Variants in ZNF512 observed in about 807,000 individuals in gnomAD.
The protein encoded by ZNF512 is zinc finger protein 512.
Under a neutral mutation model 77.5 loss-of-function variants are expected in ZNF512, and 25 were observed. The ratio of observed to expected loss-of-function variants is 0.32; its 90% CI spans 0.23 to 0.45. The LOEUF (loss-of-function observed/expected upper bound fraction) is 0.45. Among genes scored for constraint, ZNF512 ranks in the 20% least tolerant of loss-of-function variants. ZNF512 has a pLI of 1.00. For missense variants in ZNF512, 483 were observed against 692.6 expected (o/e 0.70, Z 3.40); for synonymous variants, 246 against 239.9 (o/e 1.03, Z -0.24).
intron 13 of ZNF512, among the ~76,000 whole-genome samples, chr2:27,619,837 A>G (rs754475571): frequency 6.6e-6 from 1 of 152,292 alleles, no homozygotes; most frequent in East Asian, 1.9e-4. Context: ...CTTTCAATAT[A>G]TATCTGTAAG....
At chr2:27,604,720 G>A (rs1672280293) in intron 9 of ZNF512, among the ~76,000 whole-genome samples, 3 of 152,198 alleles carry the variant, frequency 2.0e-5, no homozygotes, top group Admixed American at 2.0e-4. Context: ...GGTTGAGGCT[G>A]CAGAGCTGTG....
chr2:27,614,601 C>A (rs1187309593), intron 10 of ZNF512, among the ~76,000 whole-genome samples: 2 of 151,654 alleles, frequency 1.3e-5, no homozygotes, highest in Non-Finnish European at 2.9e-5. Context: ...TGGCGTGAAC[C>A]CAGGAGGCGG....
At chr2:27,606,218 C>T (rs969587367) in intron 9 of ZNF512, among the ~76,000 whole-genome samples, 11 of 151,734 alleles carry the variant, frequency 7.2e-5, no homozygotes, top group African/African-American at 1.9e-4. Context: ...TTTATCATTC[C>T]GGATACAAGT....
intron 9 of ZNF512, among the ~76,000 whole-genome samples, chr2:27,607,307 G>T (rs762735546): frequency 4.6e-5 from 7 of 151,214 alleles, no homozygotes; most frequent in Admixed American, 2.6e-4. Flanking sequence ...TTTATATATA[G>T]TGTGAGGGAT....
intron 9 of ZNF512, among the ~76,000 whole-genome samples, chr2:27,606,521 C>G (rs1209228168): frequency 6.6e-6 from 1 of 152,102 alleles, no homozygotes; most frequent in Non-Finnish European, 1.5e-5. Flanking sequence ...GCCACCGTGC[C>G]TGGCTAATTT....
intron 10 of ZNF512, among the ~76,000 whole-genome samples, chr2:27,610,569 T>TATATATATATATACATA (rs70953871): frequency 3.2e-4 from 5 of 15,804 alleles, no homozygotes; most frequent in African/African-American, 1.0e-3. Flanking sequence ...TATATATATA[T>TATATATATATATACATA]TTTTTTTTTT....
chr2:27,583,342 C>T (rs1558461324), intron 1 of ZNF512, 200 bp downstream of exon 1: 9 of 1,279,742 alleles, frequency 7.0e-6, no homozygotes, highest in Non-Finnish European at 9.6e-6. Flanking sequence ...TTTAATTCCT[C>T]GCCACATTAC....
chr2:27,593,078 T>TGG (rs1288173568), intron 2 of ZNF512, among the ~76,000 whole-genome samples: 2 of 151,708 alleles, frequency 1.3e-5, no homozygotes, highest in African/African-American at 4.8e-5. Context: ...AGATGTGTCT[T>TGG]GGTTGGGTAC....
chr2:27,601,366 C>CT lies in ZNF512; in HGVS notation c.595dup (p.Cys199LeufsTer23). ...TATTTTTCCTTCTAGGAAATGTTTA[C>CT]TTGTCATCATTGTGGGAAACAACTT... On this transcript the variant is annotated frameshift_variant, in exon 7 of 14. Transcript: ENST00000355467. LOFTEE classifies it high-confidence loss of function. 6.2e-7 allele frequency: 1 copy of CT among 1,613,798 alleles called. No individual in the cohort carries two copies.
At chr2:27,601,944 C>T (rs1672133031) in intron 7 of ZNF512, among the ~76,000 whole-genome samples, 1 of 152,130 alleles carries the variant, frequency 6.6e-6, no homozygotes, top group Admixed American at 6.5e-5. Flanking sequence ...CCATCGCGCC[C>T]AGAAATTTTT....
At chr2:27,592,026 G>A (rs543174330) in intron 2 of ZNF512, among the ~76,000 whole-genome samples, 59 of 152,204 alleles carry the variant, frequency 3.9e-4, no homozygotes, top group Non-Finnish European at 5.6e-4. Flanking sequence ...CCTAACTCCC[G>A]TTGCCCAGGC....
At chr2:27,616,649 C>G (rs1672892071) in intron 12 of ZNF512, among the ~76,000 whole-genome samples, 1 of 152,218 alleles carries the variant, frequency 6.6e-6, no homozygotes, top group African/African-American at 2.4e-5. Context: ...TGGGCCTGCC[C>G]TGTTTAGGTG....
At chr2:27,603,586 G>GTGTGTGTGTGTGTGTGTGTGTATATA (rs140043162) in intron 9 of ZNF512, among the ~76,000 whole-genome samples, 25 of 72,480 alleles carry the variant, frequency 3.4e-4, no homozygotes, top group African/African-American at 1.4e-3. Flanking sequence ...GTGTGTGTGT[G>GTGTGTGTGTGTGTGTGTGTGTATATA]TATATTTTTT....
intron 11 of ZNF512, among the ~76,000 whole-genome samples, chr2:27,615,980 A>G (rs1157392895): frequency 1.3e-5 from 2 of 152,216 alleles, no homozygotes; most frequent in African/African-American, 2.4e-5. Flanking sequence ...AAAAAACTAT[A>G]TAATTTTCTG....
At chr2:27,619,872 G>A (rs1391926520) in intron 13 of ZNF512, among the ~76,000 whole-genome samples, 2 of 151,896 alleles carry the variant, frequency 1.3e-5, no homozygotes, top group African/African-American at 2.4e-5. Context: ...GAAAACATAT[G>A]ACCACAAACA....
At chr2:27,603,719 G>C (rs1417916533) in intron 9 of ZNF512, among the ~76,000 whole-genome samples, 1 of 150,736 alleles carries the variant, frequency 6.6e-6, no homozygotes. Context: ...AGGCTCCTAA[G>C]TAGCCAGGAC....
rs541383592 is a variant in ZNF512, at chr2:27,606,113, G to A, written c.937-1732G>A. On this transcript the variant is annotated intron_variant, in intron 9 of 13. Coordinates refer to ENST00000355467, the MANE Select transcript of ZNF512 (RefSeq NM_032434.4). ...GCATGTGCTTACACCATGGTGATTT[G>A]TATGTCTTTAATGAAGTGTCTGTTC... 3.3e-5 allele frequency among the ~76,000 whole-genome samples: 5 copies of A among 152,268 alleles called. No individual in the cohort carries two copies. The South Asian group carries it at 6.2e-4, about 19-fold the overall frequency.
At chr2:27,603,111 T>TA (rs1452489878) in intron 8 of ZNF512, 29 bp from the exon 9 acceptor site, 6 of 1,610,220 alleles carry the variant, frequency 3.7e-6, no homozygotes, top group Non-Finnish European at 5.1e-6. Context: ...GATGTAAGAT[T>TA]ATAGTTTAGG....
rs13404023 is a variant in ZNF512, at chr2:27,609,345, C to T, written c.1131+1306C>T. Among the ~76,000 whole-genome samples, 1,338 of 152,214 alleles carry T rather than the reference C, an allele frequency of 8.8e-3. 19 individuals carry two copies. Among genetic ancestry groups the T allele is most frequent in the African/African-American group, 0.03 (1,229 of 41,524 alleles). On this transcript the variant is annotated intron_variant, in intron 10 of 13. Transcript: ENST00000355467. ...GCTAAAGTACATGGCTATCTAAATC[C>T]AATTTAAATGTGGGTTTTGCACAGT...
Sources: gnomAD v4.1 joint callset for allele counts (sites outside exome capture counted in the v4.1 genomes callset) on GRCh38, gnomAD v4.1.1 for gene constraint, MANE v1.5 for transcripts, NCBI Gene and HGNC (gene_info 2026-07-23, HGNC 2026-07-21) for gene names.